The following HS3ST4 variants were observed in gnomAD, a reference collection of about 807,000 sequenced individuals.
HS3ST4 encodes heparan sulfate-glucosamine 3-sulfotransferase 4, also known as heparan sulfate glucosamine 3-O-sulfotransferase 4.
A neutral mutation model predicts 29.2 loss-of-function variants in HS3ST4; 17 were observed. The ratio of observed to expected loss-of-function variants is 0.58; its 90% CI spans 0.40 to 0.87. The LOEUF (loss-of-function observed/expected upper bound fraction) is 0.87, where lower values mean the gene tolerates loss of function less well. HS3ST4 is among the 40% of genes least tolerant of loss of function. The pLI, the probability that HS3ST4 is intolerant of heterozygous loss-of-function variation, is 0.00. For synonymous variants in HS3ST4, 314 were observed against 285.7 expected, an observed-to-expected ratio of 1.10 and a Z score of -1.00; for missense variants, 627 against 634.5, an observed-to-expected ratio of 0.99 and a Z score of 0.13.
Position 26,104,662 on chromosome 16 carries a change from T to C in HS3ST4, c.735-30950T>C, listed in dbSNP as rs143690678. ...CCAATCCAGATCTATTAACTCTAGA[T>C]TTGTAAATCCAATTCTCTCCTCAAC... is the stretch of plus-strand genomic sequence containing the variant. On this transcript the variant is annotated intron_variant, in intron 1 of 1. Coordinates refer to ENST00000331351, the MANE Select transcript of HS3ST4 (RefSeq NM_006040.3). 3.9e-3 allele frequency among the ~76,000 whole-genome samples: 589 copies of C among 152,314 alleles called. 4 individuals are homozygous for C. The highest frequency in any genetic ancestry group is 0.013 in the African/African-American group (552 of 41,580).
chr16:26,060,505 T>C (rs1302588959), intron 1 of HS3ST4, among the ~76,000 whole-genome samples: 1 of 152,176 alleles, frequency 6.6e-6, no homozygotes. Flanking sequence ...AGTCTTCAGA[T>C]ACTCGTCATC....
At chr16:25,857,921 T>TTCCTTTCTTTCTTTCC (rs1967594161) in intron 1 of HS3ST4, among the ~76,000 whole-genome samples, 1 of 40,484 alleles carries the variant, frequency 2.5e-5, no homozygotes, top group Admixed American at 2.4e-4. Context: ...CCTTCCTTCC[T>TTCCTTTCTTTCTTTCC]TTCTTTCTTT....
chr16:25,911,848 C>G (rs560132162), intron 1 of HS3ST4, among the ~76,000 whole-genome samples: 1 of 152,196 alleles, frequency 6.6e-6, no homozygotes, highest in Admixed American at 6.5e-5. Context: ...TCTCATGTCT[C>G]TGTTCACCTC....
chr16:26,134,178 G>A (rs907612099), intron 1 of HS3ST4, among the ~76,000 whole-genome samples: 2 of 152,036 alleles, frequency 1.3e-5, no homozygotes, highest in South Asian at 4.1e-4. Context: ...AGCAGCCTTA[G>A]CAAAGGAACC....
chr16:25,716,839 A>G (rs1966457553), intron 1 of HS3ST4, among the ~76,000 whole-genome samples: 1 of 152,176 alleles, frequency 6.6e-6, no homozygotes, highest in Non-Finnish European at 1.5e-5. Flanking sequence ...GGATCACCTG[A>G]AGTTGGGAGT....
At chr16:25,955,308 G>A (rs138363820) in intron 1 of HS3ST4, among the ~76,000 whole-genome samples, 2,099 of 152,242 alleles carry the variant, frequency 0.014, 58 homozygotes, top group Admixed American at 0.011. Context: ...GACAAGACAA[G>A]ACAGCCTCTG....
chr16:26,132,996 A>G (rs1257050723), intron 1 of HS3ST4, among the ~76,000 whole-genome samples: 1 of 152,212 alleles, frequency 6.6e-6, no homozygotes, highest in African/African-American at 2.4e-5. Context: ...AGCTAATGGT[A>G]GCTCCCTTGT....
chr16:26,094,427 C>G lies in HS3ST4; in HGVS notation c.735-41185C>G, dbSNP rs189059857. Among the ~76,000 whole-genome samples, 7 of 152,254 alleles carry G rather than the reference C, an allele frequency of 4.6e-5. No individual in the cohort carries two copies. The East Asian group carries it at 1.4e-3, about 29-fold the overall frequency. ...TAACAGTGGATCTCTTGGCAGAAAC[C>G]CTACAAGCCAGAAGAGAGTGGGGGC... On this transcript the variant is annotated intron_variant, in intron 1 of 1. Transcript: ENST00000331351.
chr16:26,126,123 G>A (rs1899340482), intron 1 of HS3ST4, among the ~76,000 whole-genome samples: 1 of 152,194 alleles, frequency 6.6e-6, no homozygotes, highest in Admixed American at 6.5e-5. Context: ...ACAACCCAGG[G>A]CCATAAGAGA....
chr16:26,102,521 G>T (rs1054858931), intron 1 of HS3ST4, among the ~76,000 whole-genome samples: 8 of 152,088 alleles, frequency 5.3e-5, no homozygotes, highest in African/African-American at 1.9e-4. Flanking sequence ...GTCACACAAT[G>T]TAAAATGCCA....
chr16:25,984,788 C>T (rs1969045522), intron 1 of HS3ST4, among the ~76,000 whole-genome samples: 1 of 152,182 alleles, frequency 6.6e-6, no homozygotes, highest in South Asian at 2.1e-4. Flanking sequence ...ATATACACCA[C>T]ATTTTCTTGA....
intron 1 of HS3ST4, among the ~76,000 whole-genome samples, chr16:25,751,817 C>T (rs1446164879): frequency 1.3e-5 from 2 of 152,088 alleles, no homozygotes; most frequent in East Asian, 3.9e-4. Flanking sequence ...GGTTAGTTTG[C>T]TTGCTGGAAG....
chr16:25,938,323 G>C (rs1478064076), intron 1 of HS3ST4, among the ~76,000 whole-genome samples: 1 of 152,214 alleles, frequency 6.6e-6, no homozygotes, highest in Non-Finnish European at 1.5e-5. Context: ...TCTGCAAGAA[G>C]AGCGTAATCT....
chr16:26,131,781 C>G (rs1270223796), intron 1 of HS3ST4, among the ~76,000 whole-genome samples: 1 of 152,128 alleles, frequency 6.6e-6, no homozygotes, highest in Non-Finnish European at 1.5e-5. Context: ...GGCATCAAAA[C>G]CTTTCACAAC....
At chr16:26,080,206 C>G (rs557271436) in intron 1 of HS3ST4, among the ~76,000 whole-genome samples, 1 of 152,224 alleles carries the variant, frequency 6.6e-6, no homozygotes, top group South Asian at 2.1e-4. Context: ...TTCCTTCCTT[C>G]CGTCCCTCAC....
At chr16:25,769,210 G>A (rs1212202183) in intron 1 of HS3ST4, among the ~76,000 whole-genome samples, 1 of 152,154 alleles carries the variant, frequency 6.6e-6, no homozygotes, top group Admixed American at 6.5e-5. Context: ...TTTGTTGGGG[G>A]TGGAAGGTGA....
chr16:26,014,799 C>T (rs1969347318), intron 1 of HS3ST4, among the ~76,000 whole-genome samples: 2 of 152,098 alleles, frequency 1.3e-5, no homozygotes, highest in African/African-American at 4.8e-5. Flanking sequence ...CACCATTTTA[C>T]ACTTCTCAAA....
chr16:25,908,230 T>C (rs528979887), intron 1 of HS3ST4, among the ~76,000 whole-genome samples: 8 of 152,298 alleles, frequency 5.3e-5, no homozygotes, highest in Non-Finnish European at 7.3e-5. Flanking sequence ...AGCCAAGATA[T>C]GAAACAATGA....
At chr16:25,963,313 G>A (rs949271272) in intron 1 of HS3ST4, among the ~76,000 whole-genome samples, 1 of 152,124 alleles carries the variant, frequency 6.6e-6, no homozygotes, top group Non-Finnish European at 1.5e-5. Context: ...ATAGCTGAAT[G>A]TCAAGTCTGC....
Sources: allele counts gnomAD v4.1 joint callset (sites outside exome capture counted in the v4.1 genomes callset), GRCh38; gene constraint gnomAD v4.1.1; transcripts MANE v1.5; gene names NCBI Gene and HGNC (gene_info 2026-07-23, HGNC 2026-07-21).